Variants in CCNH observed in about 807,000 individuals in gnomAD.
CCNH encodes cyclin-H.
Under a neutral mutation model 41.9 loss-of-function variants are expected in CCNH, and 31 were observed. The observed-to-expected ratio is 0.74, with a 90% confidence interval of 0.56 to 1.00. The LOEUF (loss-of-function observed/expected upper bound fraction) is 1.00, where lower values mean the gene tolerates loss of function less well. CCNH is among the 50% of genes least tolerant of loss of function. The probability of loss-of-function intolerance (pLI) is 0.00; values close to 1 mark genes in which losing one functional copy is unlikely to be tolerated. For synonymous variants in CCNH, 138 were observed against 136.1 expected (o/e 1.01, Z -0.10); for missense variants, 362 against 388.4 (o/e 0.93, Z 0.57).
downstream of CCNH, among the ~76,000 whole-genome samples, chr5:87,388,612 G>A (rs1193209018): frequency 6.6e-6 from 1 of 152,162 alleles, no homozygotes; most frequent in Non-Finnish European, 1.5e-5. Context: ...TTTCATTATA[G>A]TGACTAAGTT....
chr5:87,401,757 ACT>A lies in CCNH; in HGVS notation c.703_704del (p.Leu236AspfsTer27), dbSNP rs747018976. 53 of 1,582,286 alleles carry A rather than the reference ACT, an allele frequency of 3.3e-5. No individual in the cohort carries two copies. The highest frequency in any genetic ancestry group is 5.8e-5 in the South Asian group (5 of 86,308). On this transcript the variant is annotated frameshift_variant, in exon 6 of 9. Coordinates refer to ENST00000256897, the MANE Select transcript of CCNH (RefSeq NM_001239.4). LOFTEE classifies it high-confidence loss of function. ...GITMESYLSE[S>X]LMLKENRTCL... ...AAGTTCTGTTCTCTTTCAGCATCAG[ACT>A]CTCTGATAAATAACTAGTAAAGAAA...
intron 9 of CCNH, among the ~76,000 whole-genome samples, chr5:87,382,717 T>C (rs941763752): frequency 2.8e-4 from 42 of 152,200 alleles, no homozygotes; most frequent in African/African-American, 9.6e-4. Flanking sequence ...GCTGTTAGTA[T>C]AATTTTTGCT....
At chr5:87,407,873 T>A (rs1392439321) in intron 4 of CCNH, 103 bp downstream of exon 4, 1 of 832,860 alleles carries the variant, frequency 1.2e-6, no homozygotes, top group African/African-American at 1.7e-5. Flanking sequence ...GTTGTATCCA[T>A]GCTATAACAA....
At chr5:87,364,328 T>C (rs1283708863) in intron 9 of CCNH, among the ~76,000 whole-genome samples, 1 of 152,104 alleles carries the variant, frequency 6.6e-6, no homozygotes, top group Non-Finnish European at 1.5e-5. Flanking sequence ...GTTTAGGAGA[T>C]CACATTAGTG....
chr5:87,316,859 A>G (rs1315819444), downstream of CCNH, among the ~76,000 whole-genome samples: 1 of 151,514 alleles, frequency 6.6e-6, no homozygotes, highest in Non-Finnish European at 1.5e-5. Flanking sequence ...GGGAAAAGTC[A>G]CCTGACTCTG....
chr5:87,385,415 TGTAATTTA>T (rs781678286), intron 9 of CCNH: 1 of 1,510,072 alleles, frequency 6.6e-7, no homozygotes, highest in Admixed American at 1.7e-5. Context: ...TACTTTAAAA[TGTAATTTA>T]TGAATGCAAG....
intron 9 of CCNH, among the ~76,000 whole-genome samples, chr5:87,347,921 GGAGC>G (rs1758979314): frequency 1.3e-5 from 2 of 151,890 alleles, no homozygotes; most frequent in South Asian, 4.1e-4. Context: ...AGGTTGAAAA[GGAGC>G]TAAACTTAAT....
intron 9 of CCNH, among the ~76,000 whole-genome samples, chr5:87,350,031 T>C (rs1253253739): frequency 6.6e-6 from 1 of 151,896 alleles, no homozygotes; most frequent in Non-Finnish European, 1.5e-5. Flanking sequence ...GCTGGCATAA[T>C]CTTGTTCTAA....
intron 9 of CCNH, among the ~76,000 whole-genome samples, chr5:87,384,249 A>C (rs1455126851): frequency 6.6e-6 from 1 of 152,152 alleles, no homozygotes; most frequent in African/African-American, 2.4e-5. Context: ...TAAAGTCACC[A>C]GTTATATAGT....
intron 9 of CCNH, among the ~76,000 whole-genome samples, chr5:87,356,771 A>G (rs573472553): frequency 6.6e-6 from 1 of 152,216 alleles, no homozygotes; most frequent in African/African-American, 2.4e-5. Context: ...AGTTGTAAAC[A>G]TAACTTATAC....
chr5:87,317,814 T>G (rs1756458570), downstream of CCNH, among the ~76,000 whole-genome samples: 1 of 152,048 alleles, frequency 6.6e-6, no homozygotes, highest in Admixed American at 6.5e-5. Flanking sequence ...TTTTGTACAT[T>G]TTGTAGAGAC....
At chr5:87,395,135 C>T in intron 7 of CCNH, 31 bp from the exon 8 acceptor site, 1 of 1,582,994 alleles carries the variant, frequency 6.3e-7, no homozygotes, top group Non-Finnish European at 8.6e-7. Context: ...ATAAGCAATC[C>T]AATACCAGCC....
At chr5:87,337,586 C>T (rs1442718440) in intron 9 of CCNH, among the ~76,000 whole-genome samples, 1 of 152,068 alleles carries the variant, frequency 6.6e-6, no homozygotes, top group Non-Finnish European at 1.5e-5. Flanking sequence ...ATCTACCCTA[C>T]ATCTGAAAGA....
chr5:87,339,038 C>CT (rs1375156922), intron 9 of CCNH, among the ~76,000 whole-genome samples: 1 of 152,042 alleles, frequency 6.6e-6, no homozygotes, highest in African/African-American at 2.4e-5. Context: ...TCTCCCTTTC[C>CT]TTTCGGATTT....
chr5:87,321,182 T>C (rs1756773478), intron 9 of CCNH, among the ~76,000 whole-genome samples: 1 of 152,182 alleles, frequency 6.6e-6, no homozygotes, highest in South Asian at 2.1e-4. Context: ...GTATACAAGT[T>C]GGCAGTAGTT....
Position 87,376,541 on chromosome 5 carries a change from A to C in CCNH, n.640T>G, listed in dbSNP as rs1394592820. On this transcript the variant is annotated non_coding_transcript_exon_variant, in exon 1 of 1. Coordinates refer to the CCNH transcript ENST00000607486. ...ACTCTATGGAAAAAATCATGCCAGA[A>C]GAAGAGTACAGTGAATTTAAAGAGG... 5.6e-6 allele frequency: 9 copies of C among 1,613,924 alleles called. No individual in the cohort carries two copies. The highest frequency in any genetic ancestry group is 6.8e-6 in the Non-Finnish European group (8 of 1,179,936).
chr5:87,368,482 T>G (rs1760689791), intron 9 of CCNH, among the ~76,000 whole-genome samples: 1 of 152,204 alleles, frequency 6.6e-6, no homozygotes, highest in Non-Finnish European at 1.5e-5. Flanking sequence ...TCTACTTAGT[T>G]TGACTAAGTG....
rs148945759 is a variant in CCNH at position 87,332,768 on chromosome 5, C to T, written c.*91-13871G>A. On this transcript the variant is annotated intron_variant and NMD_transcript_variant, in intron 9 of 9. Coordinates refer to the CCNH transcript ENST00000645953. ...GTATTTGTTGTATTAAATTTTAATTCGGGTTATAATGTCAGAACAAAATGG... is the reference window on the plus strand; with the variant it reads ...GTATTTGTTGTATTAAATTTTAATTTGGGTTATAATGTCAGAACAAAATGG... The T allele has an allele frequency of 2.0e-4, 194 of 984,230 alleles. 1 individual carries two copies. In the African/African-American group the frequency reaches 2.1e-3, roughly 11 times the overall value. The allele number at this position is 984,230 out of a possible 1,614,324, so 61.0% of individuals were successfully genotyped here.
intron 9 of CCNH, among the ~76,000 whole-genome samples, chr5:87,386,476 G>A (rs1260587150): frequency 6.6e-6 from 1 of 151,964 alleles, no homozygotes; most frequent in African/African-American, 2.4e-5. Flanking sequence ...CCATGTTTGA[G>A]TGAATTTATA....
Sources: allele counts gnomAD v4.1 joint callset (sites outside exome capture counted in the v4.1 genomes callset), GRCh38; gene constraint gnomAD v4.1.1; transcripts MANE v1.5; gene names NCBI Gene and HGNC (gene_info 2026-07-23, HGNC 2026-07-21).